SAMD5: variants seen among roughly 807,000 people sequenced by gnomAD.
The protein encoded by SAMD5 is sterile alpha motif domain containing 5.
A neutral mutation model predicts 11.3 loss-of-function variants in SAMD5; 13 were observed. The ratio of observed to expected loss-of-function variants is 1.15; its 90% confidence interval spans 0.75 to 1.83. SAMD5 has a LOEUF of 1.83. Among genes scored for constraint, SAMD5 ranks in the 40% most tolerant of loss-of-function variants. SAMD5 has a pLI of 0.00. For missense variants in SAMD5, 255 were observed against 239.1 expected, an observed-to-expected ratio of 1.07 and a Z score of -0.44; for synonymous variants, 129 against 111.3, an observed-to-expected ratio of 1.16 and a Z score of -1.00.
the SAMD5 span, among the ~76,000 whole-genome samples, chr6:147,766,764 G>A: frequency 1.3e-5 from 2 of 152,170 alleles, no homozygotes; most frequent in African/African-American, 4.8e-5. Flanking sequence ...TTGACAGAAT[G>A]ACACTTGTGT....
chr6:147,848,776 C>T, the SAMD5 span, among the ~76,000 whole-genome samples: 1 of 152,194 alleles, frequency 6.6e-6, no homozygotes, highest in Non-Finnish European at 1.5e-5. Flanking sequence ...ACAATCTGCT[C>T]CACAATTCAG....
downstream of SAMD5, among the ~76,000 whole-genome samples, chr6:147,739,930 C>T (rs1791855802): frequency 6.6e-6 from 1 of 152,148 alleles, no homozygotes; most frequent in African/African-American, 2.4e-5. Context: ...AGCAATTCTC[C>T]TGTCTCAGCC....
chr6:147,845,734 G>T, the SAMD5 span, among the ~76,000 whole-genome samples: 1 of 152,144 alleles, frequency 6.6e-6, no homozygotes, highest in South Asian at 2.1e-4. Context: ...AACACTAACT[G>T]TTGGTGAGGA....
At chr6:147,513,888 G>A (rs1057328291) in intron 1 of SAMD5, among the ~76,000 whole-genome samples, 9 of 152,132 alleles carry the variant, frequency 5.9e-5, no homozygotes, top group Non-Finnish European at 8.8e-5. Context: ...TAACCATGCC[G>A]TCGAGGACCT....
At chr6:147,683,716 T>C (rs1790971454) in intron 1 of SAMD5, among the ~76,000 whole-genome samples, 1 of 152,178 alleles carries the variant, frequency 6.6e-6, no homozygotes. Context: ...TGATTCATGC[T>C]AAGGAATCTG....
the SAMD5 span, among the ~76,000 whole-genome samples, chr6:147,949,362 C>A: frequency 1.1e-4 from 16 of 152,148 alleles, no homozygotes; most frequent in Non-Finnish European, 1.8e-4. Context: ...CAATCTGTAA[C>A]CCCAGTTTGG....
intron 1 of SAMD5, among the ~76,000 whole-genome samples, chr6:147,638,010 C>A (rs950645460): frequency 1.3e-5 from 2 of 152,088 alleles, no homozygotes; most frequent in African/African-American, 4.8e-5. Flanking sequence ...CACATTCCTA[C>A]AGAGACCTGC....
chr6:147,905,440 C>T, the SAMD5 span, among the ~76,000 whole-genome samples: 1 of 152,168 alleles, frequency 6.6e-6, no homozygotes, highest in Non-Finnish European at 1.5e-5. Context: ...TTTGGCCTCC[C>T]AAAGTGCTAG....
At position 147,564,738 on chromosome 6, in the gene SAMD5, G is replaced by T; in HGVS notation, c.*282G>T. On this transcript the variant is annotated 3_prime_UTR_variant, in exon 2 of 2. Coordinates refer to ENST00000367474, the MANE Select transcript of SAMD5 (RefSeq NM_001030060.3). ...GAGATACAGTCTTATGCATTTCTTG[G>T]CATTCTCCCTTCCATTCTTAATGAA... The T allele has an allele frequency of 9.3e-7, 1 of 1,069,812 alleles. No homozygotes were observed. Among genetic ancestry groups the T allele is most frequent in the Non-Finnish European group, 1.1e-6 (1 of 884,902 alleles). 66.3% of individuals were successfully genotyped at this position (1,069,812 alleles called of 1,614,324 possible).
chr6:147,692,196 G>C (rs1791113927), intron 1 of SAMD5, among the ~76,000 whole-genome samples: 1 of 152,148 alleles, frequency 6.6e-6, no homozygotes, highest in Non-Finnish European at 1.5e-5. Context: ...AAGTTCTCTA[G>C]AGGAGAACAT....
In SAMD5 at chr6:147,569,628, G is replaced by A. The variant is rs999967628; in HGVS notation, c.*5172G>A. 8.0e-5 allele frequency: 79 copies of A among 985,252 alleles called. No individual in the cohort carries two copies. The highest frequency in any genetic ancestry group is 3.4e-4 in the East Asian group (3 of 8,806). 61.0% of individuals were successfully genotyped at this position (985,252 alleles called of 1,614,324 possible). A position where few individuals can be genotyped will look rare whatever the true frequency, so the allele number is the denominator to read the frequency against. On this transcript the variant is annotated 3_prime_UTR_variant, in exon 2 of 2. Coordinates refer to ENST00000367474, the MANE Select transcript of SAMD5 (RefSeq NM_001030060.3). ...AAGTGGTATGTTGACTGGGACAAAC[G>A]TTAGAAATTGTATTGTTCATTGCAC...
chr6:147,813,295 A>C, the SAMD5 span, among the ~76,000 whole-genome samples: 1 of 152,136 alleles, frequency 6.6e-6, no homozygotes, highest in African/African-American at 2.4e-5. Context: ...GTCTTCTCCA[A>C]AGTACCTTTG....
Position 147,565,050 on chromosome 6 carries a change from A to G in SAMD5, c.*594A>G, listed in dbSNP as rs1789014625. On this transcript the variant is annotated 3_prime_UTR_variant, in exon 2 of 2. Transcript: ENST00000367474. Reference sequence around the variant, plus strand: ...TATTTTGTATATTGGTACAATGTTAAAGGTGATGAATTAAGGAACATCACC... The same window carrying G: ...TATTTTGTATATTGGTACAATGTTAGAGGTGATGAATTAAGGAACATCACC... 1.0e-6 allele frequency: 1 copy of G among 972,266 alleles called. No homozygotes were observed. The highest frequency in any genetic ancestry group is 6.2e-5 in the Admixed American group (1 of 16,256). The allele number at this position is 972,266 out of a possible 1,614,324, so 60.2% of individuals were successfully genotyped here.
chr6:147,793,420 T>C, the SAMD5 span, among the ~76,000 whole-genome samples: 1 of 152,160 alleles, frequency 6.6e-6, no homozygotes, highest in African/African-American at 2.4e-5. Context: ...TATTATGTTG[T>C]ATTGGATGGA....
intron 1 of SAMD5, among the ~76,000 whole-genome samples, chr6:147,658,659 GT>G (rs67968760): frequency 0.12 from 17,668 of 148,096 alleles, 1,126 homozygotes; most frequent in Non-Finnish European, 0.15. Flanking sequence ...CTCCTACTGG[GT>G]TTTTTTTTTT....
chr6:147,943,841 G>C, the SAMD5 span, among the ~76,000 whole-genome samples: 1 of 152,082 alleles, frequency 6.6e-6, no homozygotes, highest in South Asian at 2.1e-4. Flanking sequence ...ATTTACAGCT[G>C]GTGCCTAAAA....
At chr6:147,730,280 TTGAC>T (rs1399565931) in intron 1 of SAMD5, 7 of 354,464 alleles carry the variant, frequency 2.0e-5, no homozygotes, top group African/African-American at 1.3e-4. Context: ...TGGGATCACT[TTGAC>T]TGATGTGTTG....
At chr6:147,517,277 C>T (rs999461024) in intron 1 of SAMD5, among the ~76,000 whole-genome samples, 2 of 152,172 alleles carry the variant, frequency 1.3e-5, no homozygotes, top group African/African-American at 4.8e-5. Context: ...GCTGGCCTTC[C>T]AGTTGAAAGT....
chr6:147,910,297 G>A, the SAMD5 span, among the ~76,000 whole-genome samples: 2 of 152,230 alleles, frequency 1.3e-5, no homozygotes, highest in African/African-American at 4.8e-5. Context: ...CCTGGCAAGT[G>A]GCGTATCTGG....
Sources: allele counts gnomAD v4.1 joint callset (sites outside exome capture counted in the v4.1 genomes callset), GRCh38; gene constraint gnomAD v4.1.1; transcripts MANE v1.5; gene names NCBI Gene and HGNC (gene_info 2026-07-23, HGNC 2026-07-21).